Variants in TTC23L observed in about 807,000 individuals in gnomAD.
TTC23L encodes tetratricopeptide repeat domain 23 like, also known as tetratricopeptide repeat protein 23-like.
A neutral mutation model predicts 48.1 loss-of-function variants in TTC23L; 42 were observed. The observed-to-expected ratio is 0.87, with a 90% confidence interval of 0.68 to 1.13. TTC23L has a LOEUF of 1.13. TTC23L is among the 50% of genes most tolerant of loss of function. The pLI, the probability that TTC23L is intolerant of heterozygous loss-of-function variation, is 0.00. For synonymous variants in TTC23L, 159 were observed against 157.2 expected, an observed-to-expected ratio of 1.01 and a Z score of -0.09; for missense variants, 391 against 421.0, an observed-to-expected ratio of 0.93 and a Z score of 0.62.
chr5:34,909,197 A>G, the TTC23L span: 127 of 1,286,488 alleles, frequency 9.9e-5, no homozygotes, highest in Non-Finnish European at 1.4e-4. Flanking sequence ...TTTATTTAAC[A>G]GAAATCTGGT....
At chr5:34,919,274 CAAAAAAAAA>C in the TTC23L span, among the ~76,000 whole-genome samples, 86 of 35,976 alleles carry the variant, frequency 2.4e-3, 1 homozygote, top group South Asian at 3.6e-3. Context: ...GACCCTGTCT[CAAAAAAAAA>C]AAAAAAAAAA....
rs1561135109 is a variant in TTC23L at position 34,863,042 on chromosome 5, TC to T, written c.526del (p.Leu176CysfsTer19). The T allele has an allele frequency of 1.2e-6, 2 of 1,613,922 alleles. No homozygotes were observed. Among genetic ancestry groups the T allele is most frequent in the Non-Finnish European group, 1.7e-6 (2 of 1,179,868 alleles). On this transcript the variant is annotated frameshift_variant, in exon 5 of 11. Transcript: ENST00000505624. LOFTEE classifies it high-confidence loss of function. The surrounding 1 kb of genome is among the most constrained non-coding windows in gnomAD (Gnocchi z 4.1). ...TACTACACTCTGGGCGTGGCCTGGC[TC>T]CTGCAGAACCGATATCCTTCCATTC...
In TTC23L at chr5:34,846,600, T is replaced by TACAC. The variant is rs1156477205; in HGVS notation, c.255+933_255+936dup. Among the ~76,000 whole-genome samples, 63 of 92,894 alleles carry TACAC rather than the reference T, an allele frequency of 6.8e-4. 1 individual carries two copies. Among genetic ancestry groups the TACAC allele is most frequent in the South Asian group, 1.8e-3 (5 of 2,786 alleles). The allele number at this position is 92,894 out of a possible 152,430, so 60.9% of individuals were successfully genotyped here. A position where few individuals can be genotyped will look rare whatever the true frequency, so the allele number is the denominator to read the frequency against. Reference sequence around the variant, plus strand: ...AAATATATATATATATATATATATATACACACACATATATATACACACACA... The same window carrying TACAC: ...AAATATATATATATATATATATATATACACACACACACATATATATACACACACA... On this transcript the variant is annotated intron_variant, in intron 3 of 10. Coordinates refer to ENST00000505624, the Ensembl canonical transcript of TTC23L.
Position 34,880,241 on chromosome 5 carries a change from AG to A in TTC23L, c.1012del (p.Asp338IlefsTer5), listed in dbSNP as rs1762132603. The stretch of plus-strand genomic sequence containing the variant: ...GCATATCGAGCAACATTGGGCTCAG[AG>A]GATTTTGAAACACTGAGCACCACTG... On this transcript the variant is annotated frameshift_variant, in exon 9 of 11. Transcript: ENST00000505624. LOFTEE classifies it high-confidence loss of function. 1 of 1,613,570 alleles carries A rather than the reference AG, an allele frequency of 6.2e-7. No individual in the cohort carries two copies. The highest frequency in any genetic ancestry group is 1.3e-5 in the African/African-American group (1 of 74,936).
chr5:34,879,919 C>A (rs1762103626), intron 8 of TTC23L, among the ~76,000 whole-genome samples: 1 of 152,080 alleles, frequency 6.6e-6, no homozygotes, highest in Non-Finnish European at 1.5e-5. Flanking sequence ...TCACTTGAAC[C>A]CAGGAGGCAG....
the TTC23L span, chr5:34,913,634 T>G: frequency 1.2e-5 from 13 of 1,060,206 alleles, no homozygotes; most frequent in Middle Eastern, 2.1e-4. Context: ...ACTAATAATA[T>G]AAGGTCCTAG....
intron 8 of TTC23L, 146 bp from the exon 9 acceptor site, chr5:34,880,035 T>C (rs1762115593): frequency 3.3e-6 from 3 of 905,960 alleles, no homozygotes; most frequent in African/African-American, 1.7e-5. Context: ...AAACCACACA[T>C]CTTAGACTTT....
the TTC23L span, chr5:34,907,409 A>G: frequency 1.3e-5 from 2 of 152,360 alleles, no homozygotes; most frequent in South Asian, 2.1e-4. Context: ...CAAAAGGCCA[A>G]TAGTGACTGT....
At chr5:34,841,275 G>C (rs1166657338) in intron 2 of TTC23L, among the ~76,000 whole-genome samples, 1 of 152,138 alleles carries the variant, frequency 6.6e-6, no homozygotes, top group Non-Finnish European at 1.5e-5. Context: ...TTATGAAATA[G>C]AGTAAATAAA....
intron 2 of TTC23L, among the ~76,000 whole-genome samples, chr5:34,843,859 A>T (rs1383823656): frequency 6.6e-6 from 1 of 152,234 alleles, no homozygotes; most frequent in African/African-American, 2.4e-5. Flanking sequence ...ACTATGAGCC[A>T]GATATCAGGT....
chr5:34,916,097 G>A, the TTC23L span: 1 of 565,442 alleles, frequency 1.8e-6, no homozygotes, highest in Non-Finnish European at 2.8e-6. Context: ...TCCTGGAGGC[G>A]GCGGGTTTTA....
chr5:34,912,001 A>G, the TTC23L span, among the ~76,000 whole-genome samples: 2 of 152,270 alleles, frequency 1.3e-5, no homozygotes, highest in African/African-American at 4.8e-5. Context: ...CAAAACTACA[A>G]GAAAATTGGG....
chr5:34,893,478 C>A (rs114059040), intron 9 of TTC23L, among the ~76,000 whole-genome samples: 179 of 152,172 alleles, frequency 1.2e-3, no homozygotes, highest in African/African-American at 4.2e-3. Context: ...AACAAGAAGG[C>A]TTAGGAAAGA....
chr5:34,868,951 C>T (rs995275657), exon 8 of TTC23L: 1 of 1,611,818 alleles, frequency 6.2e-7, no homozygotes, highest in Non-Finnish European at 8.5e-7. Context: ...AGCCCCAAAA[C>T]TGCAGAAATG....
the TTC23L span, chr5:34,908,831 A>G: frequency 2.5e-5 from 41 of 1,613,162 alleles, no homozygotes; most frequent in African/African-American, 4.0e-4. Flanking sequence ...ATATTTGTCC[A>G]TCTTCATTTC....
chr5:34,896,125 G>T (rs1187153248), intron 9 of TTC23L, among the ~76,000 whole-genome samples: 1 of 152,140 alleles, frequency 6.6e-6, no homozygotes, highest in Non-Finnish European at 1.5e-5. Context: ...TTCCCTGCTT[G>T]AGGGTCTCTT....
At chr5:34,918,352 C>T in the TTC23L span, 2 of 1,299,098 alleles carry the variant, frequency 1.5e-6, no homozygotes, top group Non-Finnish European at 2.2e-6. Context: ...TTAACATTTT[C>T]TTTTTCTTTA....
chr5:34,839,282 A>G (rs2150329218), intron 1 of TTC23L, 23 bp downstream of exon 1: 2 of 152,836 alleles, frequency 1.3e-5, no homozygotes, highest in Non-Finnish European at 2.9e-5. Context: ...CAGGAGGCCG[A>G]CGCAGCGGGA....
At chr5:34,915,806 A>C in the TTC23L span, 1 of 1,585,896 alleles carries the variant, frequency 6.3e-7, no homozygotes, top group South Asian at 1.1e-5. Flanking sequence ...AAAAGAAACG[A>C]AATAGATGCG....
Sources: gnomAD v4.1 joint callset for allele counts (sites outside exome capture counted in the v4.1 genomes callset) on GRCh38, gnomAD v4.1.1 for gene constraint, Gnocchi (gnomAD v3.1) non-coding constraint, MANE v1.5 for transcripts, NCBI Gene and HGNC (gene_info 2026-07-23, HGNC 2026-07-21) for gene names.